Variants in DECR1 observed in about 807,000 individuals in gnomAD.
The protein encoded by DECR1 is 2,4-dienoyl-CoA reductase [(3E)-enoyl-CoA-producing], mitochondrial.
A neutral mutation model predicts 38.8 loss-of-function variants in DECR1; 44 were observed. That is an observed-to-expected ratio of 1.13 (90% CI 0.89 to 1.46). The LOEUF is 1.46. Among genes scored for constraint, DECR1 ranks in the 40% most tolerant of loss-of-function variants. The probability of loss-of-function intolerance (pLI) is 0.00; values close to 1 mark genes in which losing one functional copy is unlikely to be tolerated. For synonymous variants in DECR1, 148 were observed against 135.2 expected, an observed-to-expected ratio of 1.09 and a Z score of -0.66; for missense variants, 428 against 405.5, an observed-to-expected ratio of 1.06 and a Z score of -0.48.
intron 1 of DECR1, chr8:90,005,324 G>T (rs1172793324): frequency 2.2e-6 from 1 of 456,280 alleles, no homozygotes; most frequent in Admixed American, 2.3e-5. Flanking sequence ...GTGAGAAGAA[G>T]AGCTGATTCC....
chr8:90,048,156 C>T (rs1316935359), intron 8 of DECR1, among the ~76,000 whole-genome samples: 1 of 152,078 alleles, frequency 6.6e-6, no homozygotes, highest in African/African-American at 2.4e-5. Flanking sequence ...CATTCAAAAG[C>T]TAGCAGAAGG....
chr8:90,010,917 A>G (rs1228288235), intron 1 of DECR1, among the ~76,000 whole-genome samples: 2 of 152,078 alleles, frequency 1.3e-5, no homozygotes, highest in Non-Finnish European at 2.9e-5. Flanking sequence ...GCTTGCCTAT[A>G]TGATTCAGTT....
intron 5 of DECR1, among the ~76,000 whole-genome samples, chr8:90,032,774 T>G (rs750278258): frequency 7.2e-5 from 11 of 152,154 alleles, no homozygotes; most frequent in Non-Finnish European, 1.2e-4. Flanking sequence ...TTCAACAAAT[T>G]CTTGGATGTG....
At chr8:90,040,272 C>T (rs1328298976) in intron 6 of DECR1, among the ~76,000 whole-genome samples, 1 of 152,158 alleles carries the variant, frequency 6.6e-6, no homozygotes, top group African/African-American at 2.4e-5. Context: ...AAACATCACT[C>T]AGAGAAGCAA....
chr8:90,022,306 A>T (rs1053065616), intron 5 of DECR1, among the ~76,000 whole-genome samples: 23 of 152,106 alleles, frequency 1.5e-4, no homozygotes. Context: ...CCAGCTTGAG[A>T]TACGCTGTAG....
At chr8:90,004,199 T>C (rs763181642) in intron 1 of DECR1, among the ~76,000 whole-genome samples, 21 of 152,010 alleles carry the variant, frequency 1.4e-4, no homozygotes, top group Non-Finnish European at 2.2e-4. Context: ...GGCGCGTGCC[T>C]GTAATCCCAG....
intron 1 of DECR1, among the ~76,000 whole-genome samples, chr8:90,012,639 T>G (rs1287915896): frequency 6.6e-6 from 1 of 152,180 alleles, no homozygotes; most frequent in African/African-American, 2.4e-5. Context: ...CAACCAAGTG[T>G]TACATTAAGT....
At chr8:90,032,909 G>A (rs1024654260) in intron 5 of DECR1, among the ~76,000 whole-genome samples, 2 of 152,256 alleles carry the variant, frequency 1.3e-5, no homozygotes, top group South Asian at 4.2e-4. Flanking sequence ...CATGAGAGCG[G>A]AAGAGTAATA....
intron 6 of DECR1, among the ~76,000 whole-genome samples, chr8:90,040,096 G>A (rs1313067526): frequency 6.6e-6 from 1 of 152,194 alleles, no homozygotes; most frequent in African/African-American, 2.4e-5. Flanking sequence ...TGAGCACAGA[G>A]AGGATGGCTT....
At chr8:90,047,088 G>T (rs1813927928) in intron 8 of DECR1, among the ~76,000 whole-genome samples, 1 of 152,096 alleles carries the variant, frequency 6.6e-6, no homozygotes, top group Non-Finnish European at 1.5e-5. Context: ...AGGCCAAATT[G>T]TAGAGACCAT....
chr8:90,050,433 TCAC>T (rs1194966134), intron 8 of DECR1, among the ~76,000 whole-genome samples: 2 of 152,208 alleles, frequency 1.3e-5, no homozygotes, highest in Non-Finnish European at 2.9e-5. Flanking sequence ...ATGCTCATCA[TCAC>T]TGGCCATCAG....
chr8:90,009,304 C>T (rs1181908168), intron 1 of DECR1, among the ~76,000 whole-genome samples: 1 of 152,190 alleles, frequency 6.6e-6, no homozygotes, highest in East Asian at 1.9e-4. Context: ...TTCTCCTTCA[C>T]GTCTTTGCTC....
intron 5 of DECR1, among the ~76,000 whole-genome samples, chr8:90,023,203 C>T (rs974737386): frequency 1.3e-5 from 2 of 152,192 alleles, no homozygotes; most frequent in African/African-American, 4.8e-5. Context: ...TTTGCATGGG[C>T]ATTGTACATG....
rs76361113 is a variant in DECR1, at chr8:90,052,105, A to T, written c.*208A>T. On this transcript the variant is annotated 3_prime_UTR_variant, in exon 10 of 10. Coordinates refer to ENST00000220764, the MANE Select transcript of DECR1 (RefSeq NM_001359.2). The stretch of plus-strand genomic sequence containing the variant: ...CCTTCAAAACATTAAAAAAAAAAAA[A>T]GGAGGCATGGGGAGAGTAGGTAAAG... 4.0e-6 allele frequency: 2 copies of T among 501,538 alleles called. No individual in the cohort carries two copies. The highest frequency in any genetic ancestry group is 5.5e-4 in the Middle Eastern group (1 of 1,834). The allele number at this position is 501,538 out of a possible 1,614,324, so 31.1% of individuals were successfully genotyped here. A position where few individuals can be genotyped will look rare whatever the true frequency, so the allele number is the denominator to read the frequency against.
At chr8:90,048,708 C>T (rs1013185976) in intron 8 of DECR1, among the ~76,000 whole-genome samples, 14 of 152,068 alleles carry the variant, frequency 9.2e-5, no homozygotes, top group Admixed American at 3.3e-4. Context: ...CATCCTGATA[C>T]GAAAGCCTGG....
chr8:90,036,761 C>T (rs969469195), intron 5 of DECR1, 80 bp from the exon 6 acceptor site: 1 of 903,944 alleles, frequency 1.1e-6, no homozygotes, highest in Non-Finnish European at 1.7e-6. Flanking sequence ...TAATCAGATC[C>T]CATTTTTATA....
intron 5 of DECR1, among the ~76,000 whole-genome samples, chr8:90,030,289 TG>T (rs777437683): frequency 5.9e-5 from 9 of 152,252 alleles, no homozygotes; most frequent in Non-Finnish European, 1.3e-4. Flanking sequence ...GGCTGGGGTG[TG>T]GGGGTCCCCT....
rs765734017 is a variant in DECR1 at position 90,052,661 on chromosome 8, A to G, written c.*764A>G. On this transcript the variant is annotated 3_prime_UTR_variant, in exon 10 of 10. Transcript: ENST00000220764. ...AAAGAAGAATAGATTTCTCTGGGTA[A>G]AAGAGGTAAAGAAAGCCTATAAAAT... is the stretch of plus-strand genomic sequence containing the variant. Among the ~76,000 whole-genome samples the G allele has an allele frequency of 3.7e-4, 57 of 152,210 alleles. No homozygotes were observed. The highest frequency in any genetic ancestry group is 6.3e-4 in the Non-Finnish European group (43 of 68,050).
rs779438997 is a variant in DECR1, at chr8:90,001,482, GGA to G, written c.-8_-7del. The G allele has an allele frequency of 1.2e-6, 2 of 1,613,900 alleles. No homozygotes were observed. ...TGCGCCGCCTTCCGGCCCGAGTTCT[GGA>G]GACTCAACATGAAGCTACCGGCCAG... On this transcript the variant is annotated 5_prime_UTR_variant, in exon 1 of 10. Coordinates refer to ENST00000220764, the MANE Select transcript of DECR1 (RefSeq NM_001359.2).
Sources: allele counts gnomAD v4.1 joint callset (sites outside exome capture counted in the v4.1 genomes callset), GRCh38; gene constraint gnomAD v4.1.1; transcripts MANE v1.5; gene names NCBI Gene and HGNC (gene_info 2026-07-23, HGNC 2026-07-21).